Variants in ENO4 observed in about 807,000 individuals in gnomAD.
The protein encoded by ENO4 is 2-phospho-D-glycerate hydro-lyase.
ENO4 carries 53 observed loss-of-function variants against 63.2 expected under a neutral mutation model. That is an observed-to-expected ratio of 0.84 (90% CI 0.67 to 1.05). The LOEUF is 1.05. ENO4 is among the 50% of genes least tolerant of loss of function. The pLI is 0.00. For synonymous variants in ENO4, 266 were observed against 283.8 expected, an observed-to-expected ratio of 0.94 and a Z score of 0.63; for missense variants, 719 against 772.0, an observed-to-expected ratio of 0.93 and a Z score of 0.81.
At chr10:116,910,190 G>C (rs560293809) in intron 10 of ENO4, among the ~76,000 whole-genome samples, 1 of 152,256 alleles carries the variant, frequency 6.6e-6, no homozygotes, top group South Asian at 2.1e-4. Context: ...ACTTCTATGG[G>C]GGAAGAGGAG....
rs535820744 is a variant in ENO4 at position 116,862,466 on chromosome 10, A to T, written c.937-333A>T. 2.3e-3 allele frequency among the ~76,000 whole-genome samples: 357 copies of T among 152,222 alleles called. 2 individuals carry two copies. The highest frequency in any genetic ancestry group is 7.8e-3 in the African/African-American group (325 of 41,538). On this transcript the variant is annotated intron_variant, in intron 6 of 13. Coordinates refer to ENST00000341276, the MANE Select transcript of ENO4 (RefSeq NM_001242699.2). ...ACAGAGTGAAACTCCATCTCAAAAA[A>T]AAAAATAAAAAAGAAAAAAGAAGAA...
At chr10:116,891,720 A>C (rs1847348130) in intron 10 of ENO4, among the ~76,000 whole-genome samples, 1 of 151,922 alleles carries the variant, frequency 6.6e-6, no homozygotes, top group South Asian at 2.2e-4. Flanking sequence ...GGAGATTTTA[A>C]TACACTTGTC....
chr10:116,881,806 C>T lies in ENO4; in HGVS notation c.*137C>T. The T allele has an allele frequency of 1.6e-6, 1 of 642,634 alleles. No homozygotes were observed. Among genetic ancestry groups the T allele is most frequent in the South Asian group, 6.3e-5 (1 of 16,000 alleles). 39.8% of individuals were successfully genotyped at this position (642,634 alleles called of 1,614,324 possible). The stretch of plus-strand genomic sequence containing the variant: ...TGTGGTTTTTATTCTTCTAATTCCA[C>T]TGTTTGGTAAATTACATATATGATG... On this transcript the variant is annotated 3_prime_UTR_variant, in exon 14 of 14. Transcript: ENST00000341276.
At chr10:116,880,050 G>A (rs1846960682) in intron 13 of ENO4, 64 bp downstream of exon 13, 1 of 1,299,914 alleles carries the variant, frequency 7.7e-7, no homozygotes, top group Non-Finnish European at 1.1e-6. Context: ...GATTGGAAGA[G>A]GGGGAATAGA....
Position 116,881,848 on chromosome 10 carries a change from T to A in ENO4, c.*179T>A. 1 of 481,320 alleles carries A rather than the reference T, an allele frequency of 2.1e-6. No homozygotes were observed. The highest frequency in any genetic ancestry group is 3.4e-6 in the Non-Finnish European group (1 of 293,126). The allele number at this position is 481,320 out of a possible 1,614,324, so 29.8% of individuals were successfully genotyped here. A position where few individuals can be genotyped will look rare whatever the true frequency, so the allele number is the denominator to read the frequency against. On this transcript the variant is annotated 3_prime_UTR_variant, in exon 14 of 14. Coordinates refer to ENST00000341276, the MANE Select transcript of ENO4 (RefSeq NM_001242699.2). Reference sequence around the variant, plus strand: ...TATATGATGTTTTTGCCTGAAATTCTGTGAACTTCGTTTTGCAGCCACCAC... The same window carrying A: ...TATATGATGTTTTTGCCTGAAATTCAGTGAACTTCGTTTTGCAGCCACCAC...
chr10:116,901,325 T>C (rs1847726284), intron 10 of ENO4: 11 of 985,056 alleles, frequency 1.1e-5, no homozygotes, highest in Non-Finnish European at 1.3e-5. Flanking sequence ...AGAGCAATAT[T>C]AGGCACATCT....
intron 1 of ENO4, among the ~76,000 whole-genome samples, chr10:116,852,615 G>C (rs1281348285): frequency 6.6e-6 from 1 of 152,200 alleles, no homozygotes; most frequent in Non-Finnish European, 1.5e-5. Context: ...TACAAACAGA[G>C]AGTTGATCAG....
intron 10 of ENO4, among the ~76,000 whole-genome samples, chr10:116,911,252 G>A (rs1392995401): frequency 6.6e-6 from 1 of 152,118 alleles, no homozygotes; most frequent in Non-Finnish European, 1.5e-5. Context: ...CACAAAGTAT[G>A]CTCTCCAACT....
intron 1 of ENO4, among the ~76,000 whole-genome samples, chr10:116,850,788 G>A (rs1161496673): frequency 6.6e-6 from 1 of 152,112 alleles, no homozygotes; most frequent in Admixed American, 6.5e-5. Flanking sequence ...CTGCGACGAG[G>A]TAAAAATGAT....
At chr10:116,878,466 C>T (rs1291755775) in intron 11 of ENO4, among the ~76,000 whole-genome samples, 1 of 152,198 alleles carries the variant, frequency 6.6e-6, no homozygotes, top group Non-Finnish European at 1.5e-5. Context: ...TGATTGATTA[C>T]TACCAACACT....
chr10:116,898,723 TTTTTC>T (rs1485834045), intron 10 of ENO4, among the ~76,000 whole-genome samples: 1 of 152,150 alleles, frequency 6.6e-6, no homozygotes, highest in Non-Finnish European at 1.5e-5. Context: ...TTTTCCTTTC[TTTTTC>T]TTCTTTTTTC....
At chr10:116,901,643 A>G (rs962695174) in intron 10 of ENO4, 10 of 1,355,992 alleles carry the variant, frequency 7.4e-6, no homozygotes, top group Non-Finnish European at 7.5e-6. Flanking sequence ...AAATGAAAAG[A>G]AGAAGAGAAT....
intron 12 of ENO4, 86 bp from the exon 13 acceptor site, chr10:116,879,783 A>G (rs1846947480): frequency 2.0e-6 from 2 of 1,023,710 alleles, no homozygotes; most frequent in Admixed American, 2.4e-5. Flanking sequence ...GCACACTGTG[A>G]CAGTTTCCTT....
chr10:116,874,117 T>C lies in ENO4; in HGVS notation c.1257T>C (p.Asn419=). 1 of 1,550,036 alleles carries C rather than the reference T, an allele frequency of 6.5e-7. No homozygotes were observed. The highest frequency in any genetic ancestry group is 8.7e-7 in the Non-Finnish European group (1 of 1,146,292). The change falls in exon 10 of 14, where the codon AAT becomes AAC. Residue 419 remains asparagine, a synonymous_variant. Coordinates refer to ENST00000341276, the MANE Select transcript of ENO4 (RefSeq NM_001242699.2). ...KYEVIMGTYK[N]AAEMVDLYVD... is the part of the protein sequence containing the mutation. Reference sequence around the variant, plus strand: ...AAGTGATCATGGGCACATACAAAAATGCAGCGGAGATGGTTGACCTGTATG... The same window carrying C: ...AAGTGATCATGGGCACATACAAAAACGCAGCGGAGATGGTTGACCTGTATG...
intron 10 of ENO4, among the ~76,000 whole-genome samples, chr10:116,892,811 T>G (rs1251405539): frequency 1.3e-5 from 2 of 152,118 alleles, no homozygotes; most frequent in African/African-American, 4.8e-5. Flanking sequence ...TTCTTCTATT[T>G]GAATAAAAAA....
downstream of ENO4, chr10:116,886,535 A>AT: frequency 6.2e-7 from 1 of 1,614,116 alleles, no homozygotes; most frequent in African/African-American, 1.3e-5. Flanking sequence ...CCGTCAATGT[A>AT]TTTTTTCCTG....
intron 8 of ENO4, among the ~76,000 whole-genome samples, chr10:116,869,696 G>A (rs1240347910): frequency 6.6e-6 from 1 of 152,196 alleles, no homozygotes; most frequent in Non-Finnish European, 1.5e-5. Context: ...CTTCATCCCA[G>A]CAGGTGGTTC....
intron 3 of ENO4, 125 bp downstream of exon 3, chr10:116,856,807 G>A: frequency 9.4e-6 from 7 of 747,324 alleles, no homozygotes; most frequent in Non-Finnish European, 1.2e-5. Flanking sequence ...CGAGACCACG[G>A]TGAAACCCAG....
chr10:116,892,440 G>A (rs1847367515), intron 10 of ENO4, among the ~76,000 whole-genome samples: 1 of 152,118 alleles, frequency 6.6e-6, no homozygotes, highest in Non-Finnish European at 1.5e-5. Context: ...ACAACATTAA[G>A]TCATCATGGA....
Sources: gnomAD v4.1 joint callset for allele counts (sites outside exome capture counted in the v4.1 genomes callset) on GRCh38, gnomAD v4.1.1 for gene constraint, MANE v1.5 for transcripts, NCBI Gene and HGNC (gene_info 2026-07-23, HGNC 2026-07-21) for gene names.